Variants in MTHFD2 observed in about 807,000 individuals in gnomAD.
MTHFD2 encodes methylenetetrahydrofolate dehydrogenase (NADP+ dependent) 2, methenyltetrahydrofolate cyclohydrolase, also known as bifunctional methylenetetrahydrofolate dehydrogenase/cyclohydrolase, mitochondrial.
In MTHFD2, 26 loss-of-function variants were observed where a neutral mutation model predicts 36.8. The ratio of observed to expected loss-of-function variants is 0.71; its 90% confidence interval spans 0.52 to 0.98. The LOEUF (loss-of-function observed/expected upper bound fraction) is 0.98. Among genes scored for constraint, MTHFD2 ranks in the 50% least tolerant of loss-of-function variants. MTHFD2 has a pLI of 0.00. For missense variants in MTHFD2, 373 were observed against 434.0 expected (o/e 0.86, Z 1.25); for synonymous variants, 164 against 155.2 (o/e 1.06, Z -0.42).
chr2:74,199,405 T>C (rs956842436), intron 1 of MTHFD2, among the ~76,000 whole-genome samples: 2 of 152,108 alleles, frequency 1.3e-5, no homozygotes, highest in African/African-American at 2.4e-5. Flanking sequence ...TCCGGGAGGC[T>C]CCCAGGGCCT....
In MTHFD2 at chr2:74,207,802, C is replaced by G. The variant is rs367575757; in HGVS notation, c.385C>G (p.Leu129Val). 8.9e-6 allele frequency: 14 copies of G among 1,581,244 alleles called. No individual in the cohort carries two copies. In the African/African-American group the frequency reaches 1.9e-4, roughly 21 times the overall value. Reference sequence around the variant, plus strand: ...GAATAATGATGATAATGTAGATGGCCTCCTTGTTCAGTTGCCTCTTCCAGG... The same window carrying G: ...GAATAATGATGATAATGTAGATGGCGTCCTTGTTCAGTTGCCTCTTCCAGG... ...KLNNDDNVDG[L>V]LVQLPLPEHI... The change falls in exon 3 of 8, where the codon CTC becomes GTC. Residue 129 changes from leucine (L) to valine (V), a missense_variant. Coordinates refer to ENST00000394053, the MANE Select transcript of MTHFD2 (RefSeq NM_006636.4).
Position 74,211,181 on chromosome 2 carries a change from C to CTAT in MTHFD2, c.671-16_671-14dup. ...AGCTTTGTGTCAGAAATCAAGACAT[C>CTAT]TATTTTTTTCTTTCTAGGTGATGCC... On this transcript the variant is annotated splice_polypyrimidine_tract_variant and intron_variant, in intron 5 of 7. Coordinates refer to ENST00000394053, the MANE Select transcript of MTHFD2 (RefSeq NM_006636.4). 1.3e-6 allele frequency: 2 copies of CTAT among 1,515,726 alleles called. No individual in the cohort carries two copies. Among genetic ancestry groups the CTAT allele is most frequent in the Non-Finnish European group, 1.8e-6 (2 of 1,093,194 alleles). The allele number at this position is 1,515,726 out of a possible 1,614,324, so 93.9% of individuals were successfully genotyped here. A position where few individuals can be genotyped will look rare whatever the true frequency, so the allele number is the denominator to read the frequency against.
At chr2:74,203,897 T>TTTAGG in intron 1 of MTHFD2, among the ~76,000 whole-genome samples, 1 of 27,870 alleles carries the variant, frequency 3.6e-5, no homozygotes, top group African/African-American at 1.6e-4. Context: ...TTTAGTTTAG[T>TTTAGG]TTAGTTTAGT....
intron 5 of MTHFD2, 26 bp downstream of exon 5, chr2:74,210,075 C>T (rs1180160142): frequency 4.4e-6 from 7 of 1,584,772 alleles, no homozygotes; most frequent in Non-Finnish European, 6.0e-6. Flanking sequence ...TCAGGGAACA[C>T]TGTCCTTTTT....
chr2:74,211,321 A>G (rs759688567), intron 6 of MTHFD2, 30 bp downstream of exon 6: 112 of 1,422,358 alleles, frequency 7.9e-5, no homozygotes, highest in Non-Finnish European at 9.4e-5. Flanking sequence ...GGAGGGAAGG[A>G]CTTCACCTCA....
At chr2:74,204,683 T>A (rs2103814074) in intron 1 of MTHFD2, among the ~76,000 whole-genome samples, 1 of 152,298 alleles carries the variant, frequency 6.6e-6, no homozygotes, top group East Asian at 1.9e-4. Context: ...GTGGGGTCCC[T>A]GGGAAGAGCA....
chr2:74,212,909 G>GTT (rs34811101), intron 7 of MTHFD2, among the ~76,000 whole-genome samples: 51 of 147,860 alleles, frequency 3.4e-4, no homozygotes, highest in Non-Finnish European at 2.4e-4. Context: ...TTTCAGTTCT[G>GTT]TTTTTTTTTT....
intron 5 of MTHFD2, among the ~76,000 whole-genome samples, chr2:74,210,515 C>T (rs934200146): frequency 3.3e-5 from 5 of 152,192 alleles, no homozygotes; most frequent in African/African-American, 9.6e-5. Flanking sequence ...AATGACCTTA[C>T]ATGATTATAT....
rs921605889 is a variant in MTHFD2 at position 74,214,305 on chromosome 2, T to C, written c.*63T>C. 1.5e-5 allele frequency: 23 copies of C among 1,520,286 alleles called. 1 individual carries two copies. The East Asian group carries it at 4.1e-4, about 27-fold the overall frequency. 94.2% of individuals were successfully genotyped at this position (1,520,286 alleles called of 1,614,324 possible). On this transcript the variant is annotated 3_prime_UTR_variant, in exon 8 of 8. Coordinates refer to ENST00000394053, the MANE Select transcript of MTHFD2 (RefSeq NM_006636.4). ...CAGCTCAAGAAGCAAAGCAGGCCAA[T>C]AGAAATGCAATATTTTTAATTTATT...
At chr2:74,212,190 ATCTC>A (rs1238848010) in intron 7 of MTHFD2, among the ~76,000 whole-genome samples, 1 of 57,686 alleles carries the variant, frequency 1.7e-5, no homozygotes, top group Non-Finnish European at 3.4e-5. Flanking sequence ...CCTTCCCTCC[ATCTC>A]TCTCCCTTCC....
rs182336307 is a variant in MTHFD2, at chr2:74,205,161, C to T, written c.102-544C>T. Among the ~76,000 whole-genome samples the T allele has an allele frequency of 3.9e-3, 587 of 152,108 alleles. 4 individuals are homozygous for T. The highest frequency in any genetic ancestry group is 7.7e-3 in the South Asian group (37 of 4,814). On this transcript the variant is annotated intron_variant, in intron 1 of 7. Coordinates refer to ENST00000394053, the MANE Select transcript of MTHFD2 (RefSeq NM_006636.4). ...TATTCAACTACAGAATATAATTTAT[C>T]GATTTAAACCACCATAAAAATGAAG...
chr2:74,211,366 C>A, intron 6 of MTHFD2, 75 bp downstream of exon 6: 3 of 905,828 alleles, frequency 3.3e-6, no homozygotes, highest in African/African-American at 1.7e-5. Context: ...TTAGAATTCG[C>A]CTGCCTAGCT....
intron 6 of MTHFD2, 98 bp from the exon 7 acceptor site, chr2:74,211,643 A>AT: frequency 6.0e-6 from 7 of 1,171,220 alleles, no homozygotes; most frequent in Non-Finnish European, 8.1e-6. Context: ...AAACATGTTG[A>AT]TTAGTTCTTC....
At position 74,214,304 on chromosome 2, in the gene MTHFD2, A is replaced by G; in HGVS notation, c.*62A>G. 6.6e-7 allele frequency: 1 copy of G among 1,519,568 alleles called. No individual in the cohort carries two copies. The highest frequency in any genetic ancestry group is 8.9e-7 in the Non-Finnish European group (1 of 1,120,040). The allele number at this position is 1,519,568 out of a possible 1,614,324, so 94.1% of individuals were successfully genotyped here. ...CCAGCTCAAGAAGCAAAGCAGGCCAATAGAAATGCAATATTTTTAATTTAT... is the reference window on the plus strand; with the variant it reads ...CCAGCTCAAGAAGCAAAGCAGGCCAGTAGAAATGCAATATTTTTAATTTAT... On this transcript the variant is annotated 3_prime_UTR_variant, in exon 8 of 8. Coordinates refer to ENST00000394053, the MANE Select transcript of MTHFD2 (RefSeq NM_006636.4).
At chr2:74,199,443 A>G (rs1337587313) in intron 1 of MTHFD2, among the ~76,000 whole-genome samples, 1 of 152,258 alleles carries the variant, frequency 6.6e-6, no homozygotes, top group African/African-American at 2.4e-5. Flanking sequence ...GAGAGTGACA[A>G]GTACCCATAT....
At chr2:74,211,352 C>A in intron 6 of MTHFD2, 61 bp downstream of exon 6, 1 of 1,108,094 alleles carries the variant, frequency 9.0e-7, no homozygotes, top group Non-Finnish European at 1.3e-6. Context: ...TTGTACCCCT[C>A]ATCTTAGAAT....
intron 2 of MTHFD2, chr2:74,206,111 G>A: frequency 2.4e-6 from 1 of 416,094 alleles, no homozygotes; most frequent in Non-Finnish European, 4.4e-6. Context: ...TGTGGCTTCT[G>A]GAAAGAATAT....
At chr2:74,212,589 T>TTA (rs1184932868) in intron 7 of MTHFD2, among the ~76,000 whole-genome samples, 1 of 152,064 alleles carries the variant, frequency 6.6e-6, no homozygotes, top group Admixed American at 6.6e-5. Flanking sequence ...TTCATAAGAA[T>TTA]TAGAGAAACC....
At chr2:74,203,692 A>G (rs1188103754) in intron 1 of MTHFD2, among the ~76,000 whole-genome samples, 1 of 152,198 alleles carries the variant, frequency 6.6e-6, no homozygotes, top group African/African-American at 2.4e-5. Context: ...CCTACAGGAT[A>G]TTCAGTACCT....
Sources: gnomAD v4.1 joint callset for allele counts (sites outside exome capture counted in the v4.1 genomes callset) on GRCh38, gnomAD v4.1.1 for gene constraint, MANE v1.5 for transcripts, NCBI Gene and HGNC (gene_info 2026-07-23, HGNC 2026-07-21) for gene names.